AP3M1: variants seen among roughly 807,000 people sequenced by gnomAD.
The protein encoded by AP3M1 is AP-3 complex subunit mu-1.
Under a neutral mutation model 42.6 loss-of-function variants are expected in AP3M1, and 29 were observed. That is an observed-to-expected ratio of 0.68 (90% CI 0.51 to 0.93). The LOEUF (loss-of-function observed/expected upper bound fraction) is 0.93, where lower values mean the gene tolerates loss of function less well. Among genes scored for constraint, AP3M1 ranks in the 40% least tolerant of loss-of-function variants. AP3M1 has a pLI of 0.00. For synonymous variants in AP3M1, 178 were observed against 175.3 expected, an observed-to-expected ratio of 1.02 and a Z score of -0.12; for missense variants, 416 against 510.2, an observed-to-expected ratio of 0.82 and a Z score of 1.78.
intron 1 of AP3M1, chr10:74,150,235 G>C (rs1380274263): frequency 1.3e-5 from 2 of 152,240 alleles, no homozygotes; most frequent in Non-Finnish European, 2.9e-5. Context: ...ACATAAGGCT[G>C]TAAGTTTCAG....
At chr10:74,147,570 T>G (rs1008102289) in intron 1 of AP3M1, among the ~76,000 whole-genome samples, 1 of 152,254 alleles carries the variant, frequency 6.6e-6, no homozygotes, top group Non-Finnish European at 1.5e-5. Context: ...CCACAGAATA[T>G]TCTCTGTTTA....
chr10:74,125,282 G>A (rs935238341), intron 7 of AP3M1, among the ~76,000 whole-genome samples: 28 of 152,160 alleles, frequency 1.8e-4, no homozygotes, highest in African/African-American at 6.8e-4. Flanking sequence ...CCCAGCCTCT[G>A]TTTATTTTTC....
chr10:74,135,458 T>C (rs1044339470), intron 3 of AP3M1, among the ~76,000 whole-genome samples: 9 of 152,228 alleles, frequency 5.9e-5, no homozygotes, highest in Admixed American at 3.9e-4. Flanking sequence ...GAATCTGTTA[T>C]GTTTTGCATT....
chr10:74,139,428 A>G (rs761803014), intron 1 of AP3M1, among the ~76,000 whole-genome samples: 21 of 148,162 alleles, frequency 1.4e-4, no homozygotes, highest in Non-Finnish European at 2.8e-4. Flanking sequence ...AGCCTATGCA[A>G]CATAGTGAGA....
At chr10:74,131,850 T>C (rs1840788563) in intron 4 of AP3M1, among the ~76,000 whole-genome samples, 1 of 151,960 alleles carries the variant, frequency 6.6e-6, no homozygotes, top group Middle Eastern at 3.2e-3. Context: ...CAAAAATCTA[T>C]TATTCTATAA....
chr10:74,134,531 A>C (rs1840885170), intron 3 of AP3M1, among the ~76,000 whole-genome samples: 1 of 152,264 alleles, frequency 6.6e-6, no homozygotes, highest in Admixed American at 6.5e-5. Flanking sequence ...CAGTGAGAAT[A>C]CAGAGTTATA....
intron 1 of AP3M1, among the ~76,000 whole-genome samples, chr10:74,141,773 T>C (rs1591762286): frequency 1.3e-5 from 2 of 149,036 alleles, no homozygotes; most frequent in African/African-American, 2.5e-5. Context: ...AGTGCAATGG[T>C]GTTATCTCGG....
rs1225545870 is a variant in AP3M1, at chr10:74,124,494, G to A, written c.1042C>T (p.Pro348Ser). 1.2e-6 allele frequency: 2 copies of A among 1,610,024 alleles called. No individual in the cohort carries two copies. Among genetic ancestry groups the A allele is most frequent in the Middle Eastern group, 1.7e-4 (1 of 6,050 alleles). ...CCTTTAAGACTTGGGAGCTTTTGTG[G>A]AGTAATTTTTCCCACATCCCATGTT... ...VLTWDVGKITPQKLPSLKGLV... is the reference protein window; with the variant it reads ...VLTWDVGKITSQKLPSLKGLV... The change falls in exon 8 of 9, where the codon CCA becomes TCA. Residue 348 changes from proline (P) to serine (S), a missense_variant. Transcript: ENST00000355264.
chr10:74,135,251 A>C (rs1301756314), intron 3 of AP3M1, among the ~76,000 whole-genome samples: 1 of 152,218 alleles, frequency 6.6e-6, no homozygotes, highest in African/African-American at 2.4e-5. Context: ...GCTTCTGCTA[A>C]AGGGATTAAT....
rs533709061 is a variant in AP3M1 at position 74,150,800 on chromosome 10, A to G, written c.-49T>C. ...GTGATTCGGCGCCGGATCCTCTCCTACCGAAGCTGGAGAAGCCGAGAAGGC... is the reference window on the plus strand; with the variant it reads ...GTGATTCGGCGCCGGATCCTCTCCTGCCGAAGCTGGAGAAGCCGAGAAGGC... On this transcript the variant is annotated 5_prime_UTR_variant, in exon 1 of 9. Transcript: ENST00000355264. The G allele has an allele frequency of 2.2e-4, 40 of 182,846 alleles. No homozygotes were observed. Among genetic ancestry groups the G allele is most frequent in the South Asian group, 9.6e-4 (11 of 11,480 alleles). 11.3% of individuals were successfully genotyped at this position (182,846 alleles called of 1,614,324 possible).
chr10:74,144,223 A>G (rs1253196235), intron 1 of AP3M1, among the ~76,000 whole-genome samples: 1 of 151,574 alleles, frequency 6.6e-6, no homozygotes, highest in African/African-American at 2.4e-5. Context: ...GGCCTCCCAA[A>G]GTGCTGGGAT....
Position 74,136,806 on chromosome 10 carries a change from GACAAAATACAC to G in AP3M1, c.274-14_274-4del. 2 of 1,475,678 alleles carry G rather than the reference GACAAAATACAC, an allele frequency of 1.4e-6. No homozygotes were observed. Among genetic ancestry groups the G allele is most frequent in the Non-Finnish European group, 1.8e-6 (2 of 1,095,322 alleles). 91.4% of individuals were successfully genotyped at this position (1,475,678 alleles called of 1,614,324 possible). ...TCTGAACACTCACCAAAGTAGTCCT[GACAAAATACAC>G]ACAAAATATCACACAATGGAAGGCA... On this transcript the variant is annotated splice_region_variant and splice_polypyrimidine_tract_variant and intron_variant, in intron 2 of 8. Coordinates refer to ENST00000355264, the MANE Select transcript of AP3M1 (RefSeq NM_012095.6).
Position 74,145,631 on chromosome 10 carries a change from C to A in AP3M1, c.-4+5124G>T, listed in dbSNP as rs1841305164. Among the ~76,000 whole-genome samples the A allele has an allele frequency of 2.6e-5, 4 of 152,190 alleles. No individual in the cohort carries two copies. In the South Asian group the frequency reaches 8.3e-4, roughly 32 times the overall value. ...TGAGAAAACTACACACTCATTATTACCACAACCATCTTTTTGTTCCTAGTG... is the reference window on the plus strand; with the variant it reads ...TGAGAAAACTACACACTCATTATTAACACAACCATCTTTTTGTTCCTAGTG... On this transcript the variant is annotated intron_variant, in intron 1 of 8. Transcript: ENST00000355264.
intron 1 of AP3M1, among the ~76,000 whole-genome samples, chr10:74,144,239 G>A (rs1475738787): frequency 1.3e-5 from 2 of 152,170 alleles, no homozygotes; most frequent in African/African-American, 4.8e-5. Context: ...GGGATTACAG[G>A]CGTGAGCCAC....
At chr10:74,133,839 A>G (rs905075979) in intron 4 of AP3M1, among the ~76,000 whole-genome samples, 188 bp downstream of exon 4, 34 of 151,826 alleles carry the variant, frequency 2.2e-4, no homozygotes, top group Non-Finnish European at 4.3e-4. Context: ...TATCTTTAGT[A>G]GAGACAGAGT....
chr10:74,133,317 C>T (rs541422567), intron 4 of AP3M1, among the ~76,000 whole-genome samples: 1 of 151,938 alleles, frequency 6.6e-6, no homozygotes, highest in African/African-American at 2.4e-5. Flanking sequence ...CTGCTTGAAC[C>T]CGGGAGGCGG....
In AP3M1 at chr10:74,136,652, G is replaced by C; in HGVS notation, c.425C>G (p.Ser142Cys). 6.3e-7 allele frequency: 1 copy of C among 1,578,912 alleles called. No individual in the cohort carries two copies. Among genetic ancestry groups the C allele is most frequent in the Non-Finnish European group, 8.7e-7 (1 of 1,153,722 alleles). The change falls in exon 3 of 9, where the codon TCT becomes TGT. Residue 142 changes from serine (S) to cysteine (C), a missense_variant. Physicochemically the swap from Ser to Cys is moderately radical, Grantham distance 112. Coordinates refer to ENST00000355264, the MANE Select transcript of AP3M1 (RefSeq NM_012095.6). ...CTTACCTGTAATAGAGTTGACAACA[G>C]AGCGTAGAATTGTTGGTGGTTTAAT... ...ELIKPPTILR[S>C]VVNSITGSSN...
At chr10:74,126,444 C>T in intron 6 of AP3M1, 89 bp from the exon 7 acceptor site, 1 of 997,074 alleles carries the variant, frequency 1.0e-6, no homozygotes, top group Admixed American at 2.1e-5. Context: ...AACCTCTGTC[C>T]AGAGTATCCT....
intron 7 of AP3M1, among the ~76,000 whole-genome samples, chr10:74,125,380 GCTCAAC>G (rs1840584916): frequency 6.6e-6 from 1 of 152,208 alleles, no homozygotes; most frequent in African/African-American, 2.4e-5. Context: ...CGGTGTGAAG[GCTCAAC>G]AGCAGATGAG....
Sources: gnomAD v4.1 joint callset for allele counts (sites outside exome capture counted in the v4.1 genomes callset) on GRCh38, gnomAD v4.1.1 for gene constraint, MANE v1.5 for transcripts, NCBI Gene and HGNC (gene_info 2026-07-23, HGNC 2026-07-21) for gene names.